Variants in WNT7B observed in about 807,000 individuals in gnomAD.
WNT7B encodes protein Wnt-7b.
Under a neutral mutation model 38.2 loss-of-function variants are expected in WNT7B, and 19 were observed. The ratio of observed to expected loss-of-function variants is 0.50; its 90% CI spans 0.35 to 0.73. WNT7B has a LOEUF of 0.73. Ranked by LOEUF, WNT7B falls within the 30% of genes least tolerant of loss-of-function variation. The pLI is 0.01. For missense variants in WNT7B, 423 were observed against 507.9 expected (o/e 0.83, Z 1.61); for synonymous variants, 243 against 209.3 (o/e 1.16, Z -1.39).
chr22:45,925,704 C>T, intron 3 of WNT7B: 1 of 985,454 alleles, frequency 1.0e-6, no homozygotes. Flanking sequence ...GCCCTGGCCA[C>T]ACGGCCTGCT....
At position 45,951,486 on chromosome 22, in the gene WNT7B, G is replaced by A. The variant is rs150479449; in HGVS notation, c.72-1340C>T. The stretch of plus-strand genomic sequence containing the variant: ...TCGGTGTTGTGCAACCTCCAGCACC[G>A]TCAGGTTCCCAGATATTTCTGCCAC... On this transcript the variant is annotated intron_variant, in intron 1 of 3. Coordinates refer to ENST00000339464, the MANE Select transcript of WNT7B (RefSeq NM_058238.3). This position sits in a 1 kb window ranked among gnomAD's most constrained non-coding sequence, Gnocchi z 4.8. 0.012 allele frequency among the ~76,000 whole-genome samples: 1,779 copies of A among 151,286 alleles called. 14 individuals are homozygous for A. The highest frequency in any genetic ancestry group is 0.027 in the Middle Eastern group (8 of 294).
chr22:45,944,284 A>G (rs1601727395), intron 2 of WNT7B, among the ~76,000 whole-genome samples: 2 of 152,282 alleles, frequency 1.3e-5, no homozygotes, highest in African/African-American at 4.8e-5. Flanking sequence ...AAGGACTGGG[A>G]CTGGAGGACC....
In WNT7B at chr22:45,951,792, C is replaced by T. The variant is rs1931939383; in HGVS notation, c.72-1646G>A. 6.6e-6 allele frequency among the ~76,000 whole-genome samples: 1 copy of T among 152,208 alleles called. No individual in the cohort carries two copies. Among genetic ancestry groups the T allele is most frequent in the African/African-American group, 2.4e-5 (1 of 41,442 alleles). On this transcript the variant is annotated intron_variant, in intron 1 of 3. Transcript: ENST00000339464. This position sits in a 1 kb window ranked among gnomAD's most constrained non-coding sequence, Gnocchi z 4.8. ...TTTTGTGTATCCATTCATGGCTGGG[C>T]ATTTCGGCTGCTTCCACCTTTGGAC...
At chr22:45,945,743 C>A (rs528152890) in intron 2 of WNT7B, among the ~76,000 whole-genome samples, 1 of 152,232 alleles carries the variant, frequency 6.6e-6, no homozygotes, top group Non-Finnish European at 1.5e-5. Flanking sequence ...TCAGATACCC[C>A]GAGATGGGTC....
intron 2 of WNT7B, chr22:45,936,016 A>G: frequency 1.0e-6 from 1 of 985,252 alleles, no homozygotes; most frequent in Non-Finnish European, 1.2e-6. Flanking sequence ...CAGATTCTAG[A>G]GCCAGCAGCA....
chr22:45,947,213 G>A (rs1484914473), intron 2 of WNT7B, among the ~76,000 whole-genome samples: 1 of 152,242 alleles, frequency 6.6e-6, no homozygotes, highest in African/African-American at 2.4e-5. Context: ...GGGAACCAGG[G>A]TGAATATGGG....
chr22:45,964,250 G>A (rs1434271759), intron 1 of WNT7B, among the ~76,000 whole-genome samples: 1 of 152,110 alleles, frequency 6.6e-6, no homozygotes, highest in Non-Finnish European at 1.5e-5. Context: ...GGGATCCTGG[G>A]CCTGTCACCC....
chr22:45,959,145 C>T (rs538204227), intron 1 of WNT7B, among the ~76,000 whole-genome samples: 5 of 152,254 alleles, frequency 3.3e-5, no homozygotes, highest in East Asian at 1.9e-4. Flanking sequence ...CAGACACATG[C>T]GGGAGACACT....
At chr22:45,923,367 C>T in intron 3 of WNT7B, 32 bp from the exon 4 acceptor site, 1 of 1,571,224 alleles carries the variant, frequency 6.4e-7, no homozygotes, top group Non-Finnish European at 8.6e-7. Context: ...CTCGGCACGG[C>T]ATGGCCCAAG....
chr22:45,925,373 T>G (rs1410311262), intron 3 of WNT7B: 1 of 985,148 alleles, frequency 1.0e-6, no homozygotes, highest in Non-Finnish European at 1.2e-6. Flanking sequence ...CTGGAGAGAC[T>G]TGAGGGAGGT....
intron 3 of WNT7B, among the ~76,000 whole-genome samples, 199 bp downstream of exon 3, chr22:45,930,899 C>T (rs776611737): frequency 5.3e-5 from 8 of 152,192 alleles, no homozygotes; most frequent in Non-Finnish European, 1.0e-4. Flanking sequence ...TCGGCTCTCA[C>T]ATCTCTGGAT....
At chr22:45,925,349 AGAGACTGGG>A (rs1931051568) in intron 3 of WNT7B, 1 of 983,278 alleles carries the variant, frequency 1.0e-6, no homozygotes, top group Middle Eastern at 5.2e-4. Flanking sequence ...CAAAGACTGG[AGAGACTGGG>A]GAGACTGGAG....
intron 3 of WNT7B, chr22:45,926,721 G>A: frequency 1.0e-6 from 1 of 985,402 alleles, no homozygotes; most frequent in South Asian, 4.7e-5. Context: ...GCCCTGACCT[G>A]TGAGCCCCTC....
chr22:45,948,761 C>G (rs527419562), intron 2 of WNT7B, among the ~76,000 whole-genome samples: 1 of 151,356 alleles, frequency 6.6e-6, no homozygotes, highest in Admixed American at 6.6e-5. Flanking sequence ...AGGCCCTGAG[C>G]AGCCCCGAGT....
intron 1 of WNT7B, chr22:45,972,366 G>T: frequency 3.0e-6 from 1 of 338,198 alleles, no homozygotes; most frequent in Non-Finnish European, 5.3e-6. Flanking sequence ...GCCGGGTCTC[G>T]TGGGCCCGGG....
chr22:45,936,109 T>C (rs528485572), intron 2 of WNT7B: 1 of 985,122 alleles, frequency 1.0e-6, no homozygotes, highest in Admixed American at 6.2e-5. Flanking sequence ...GAGCACTGGG[T>C]GGGTTTCTGA....
intron 2 of WNT7B, among the ~76,000 whole-genome samples, chr22:45,948,039 C>G (rs887229568): frequency 1.3e-5 from 2 of 152,224 alleles, no homozygotes; most frequent in African/African-American, 4.8e-5. Flanking sequence ...CTCTGTCGAG[C>G]AGCAGGACGA....
At position 45,976,932 on chromosome 22, in the gene WNT7B, TGCC is replaced by T; in HGVS notation, c.-181_-179del. ...CGCTGCCACCATGGTGAGCCCGGGATGCCGCCGCCGCCACCGCCGCGTGAGCCC... is the reference window on the plus strand; with the variant it reads ...CGCTGCCACCATGGTGAGCCCGGGATGCCGCCGCCACCGCCGCGTGAGCCC... On this transcript the variant is annotated 5_prime_UTR_variant, in exon 1 of 4. Transcript: ENST00000339464. This position sits in a 1 kb window ranked among gnomAD's most constrained non-coding sequence, Gnocchi z 8.5. The T allele has an allele frequency of 1.0e-6, 1 of 989,860 alleles. No homozygotes were observed. The highest frequency in any genetic ancestry group is 1.2e-6 in the Non-Finnish European group (1 of 833,432). The allele number at this position is 989,860 out of a possible 1,614,324, so 61.3% of individuals were successfully genotyped here.
At chr22:45,953,119 T>C (rs1030961651) in intron 1 of WNT7B, among the ~76,000 whole-genome samples, 1 of 145,608 alleles carries the variant, frequency 6.9e-6, no homozygotes, top group African/African-American at 2.7e-5. Flanking sequence ...AGTCTCACAG[T>C]CACCGTGTCC....
Sources: allele counts gnomAD v4.1 joint callset (sites outside exome capture counted in the v4.1 genomes callset), GRCh38; gene constraint gnomAD v4.1.1; non-coding constraint Gnocchi (gnomAD v3.1); transcripts MANE v1.5; gene names NCBI Gene and HGNC (gene_info 2026-07-23, HGNC 2026-07-21).